KDSR: variants seen among roughly 807,000 people sequenced by gnomAD.
The protein encoded by KDSR is 3-dehydrosphinganine reductase.
A neutral mutation model predicts 41.3 loss-of-function variants in KDSR; 23 were observed. The ratio of observed to expected loss-of-function variants is 0.56; its 90% CI spans 0.40 to 0.79. The LOEUF (loss-of-function observed/expected upper bound fraction) is 0.79, where lower values mean the gene tolerates loss of function less well. KDSR is among the 30% of genes least tolerant of loss of function. The pLI, the probability that KDSR is intolerant of heterozygous loss-of-function variation, is 0.00. For missense variants in KDSR, 351 were observed against 416.8 expected (o/e 0.84, Z 1.37); for synonymous variants, 138 against 151.7 (o/e 0.91, Z 0.66).
At chr18:63,349,492 A>G (rs1425507341) in intron 6 of KDSR, among the ~76,000 whole-genome samples, 2 of 152,278 alleles carry the variant, frequency 1.3e-5, no homozygotes, top group Admixed American at 6.5e-5. Flanking sequence ...AATTTCACAG[A>G]CATCAGTGTC....
intron 1 of KDSR, 117 bp from the exon 2 acceptor site, chr18:63,362,985 C>T: frequency 1.5e-6 from 1 of 648,654 alleles, no homozygotes; most frequent in Non-Finnish European, 2.7e-6. Context: ...AAATGATTAG[C>T]TGTTGTTAAC....
Position 63,362,854 on chromosome 18 carries a change from G to A in KDSR, c.123C>T (p.Ser41=). ...TAGCAATGCACTTCCCGATGCCACT[G>A]GAACCTCCTGTAACCTAAAACAAAA... ...PGAHVVVTGG[S]SGIGKCIAIE... Residue 41 remains serine, a synonymous_variant, in exon 2 of 10, where the codon TCC becomes TCT. Transcript: ENST00000645214. 1 of 1,612,142 alleles carries A rather than the reference G, an allele frequency of 6.2e-7. No individual in the cohort carries two copies. The highest frequency in any genetic ancestry group is 8.5e-7 in the Non-Finnish European group (1 of 1,178,332).
rs1913973963 is a variant in KDSR, at chr18:63,331,210, T to C, written c.*572A>G. On this transcript the variant is annotated 3_prime_UTR_variant, in exon 10 of 10. Transcript: ENST00000645214. ...GCACAACACAGGGCTGTCAGTGACA[T>C]TCAGACTCACTGGCAATGGGTCCAA... 4.3e-6 allele frequency: 1 copy of C among 232,654 alleles called. No individual in the cohort carries two copies. Among genetic ancestry groups the C allele is most frequent in the Non-Finnish European group, 8.5e-6 (1 of 117,956 alleles). The allele number at this position is 232,654 out of a possible 1,614,324, so 14.4% of individuals were successfully genotyped here. A position where few individuals can be genotyped will look rare whatever the true frequency, so the allele number is the denominator to read the frequency against.
At chr18:63,351,906 CTT>C (rs1332561210) in intron 5 of KDSR, among the ~76,000 whole-genome samples, 1 of 152,142 alleles carries the variant, frequency 6.6e-6, no homozygotes, top group Non-Finnish European at 1.5e-5. Context: ...GCCTCAGCCT[CTT>C]GAGGACCTGG....
chr18:63,352,368 A>G (rs745443865), intron 5 of KDSR, among the ~76,000 whole-genome samples: 7 of 152,130 alleles, frequency 4.6e-5, no homozygotes, highest in Non-Finnish European at 8.8e-5. Context: ...AGGCTGGAGT[A>G]CAGTGGTGTG....
chr18:63,331,170 C>G lies in KDSR; in HGVS notation c.*612G>C, dbSNP rs1040390383. ...AGAAGCCATGAGTTTCCACCAGCAG[C>G]AGAGTGAGTCCTGAGCACAACACAG... On this transcript the variant is annotated 3_prime_UTR_variant, in exon 10 of 10. Transcript: ENST00000645214. 30 of 233,058 alleles carry G rather than the reference C, an allele frequency of 1.3e-4. No individual in the cohort carries two copies. The highest frequency in any genetic ancestry group is 6.2e-4 in the African/African-American group (28 of 45,306). 14.4% of individuals were successfully genotyped at this position (233,058 alleles called of 1,614,324 possible).
At chr18:63,352,803 A>G (rs774377602) in intron 5 of KDSR, among the ~76,000 whole-genome samples, 3 of 152,112 alleles carry the variant, frequency 2.0e-5, no homozygotes, top group Non-Finnish European at 4.4e-5. Context: ...TAAGTGACTG[A>G]GTTAGGATGC....
chr18:63,367,135 G>C lies in KDSR; in HGVS notation c.-17C>G. The C allele has an allele frequency of 1.5e-6, 2 of 1,293,414 alleles. No individual in the cohort carries two copies. Among genetic ancestry groups the C allele is most frequent in the South Asian group, 6.8e-5 (2 of 29,394 alleles). The allele number at this position is 1,293,414 out of a possible 1,614,324, so 80.1% of individuals were successfully genotyped here. A position where few individuals can be genotyped will look rare whatever the true frequency, so the allele number is the denominator to read the frequency against. ...CAGCAGCATCGCTCCGCGGGGCCAG[G>C]GGCCCGGAGCGGCCGGGCGGGGGCC... On this transcript the variant is annotated 5_prime_UTR_variant, in exon 1 of 10. Coordinates refer to ENST00000645214, the MANE Select transcript of KDSR (RefSeq NM_002035.4).
chr18:63,358,644 T>G (rs560030344), intron 3 of KDSR, among the ~76,000 whole-genome samples: 1 of 151,324 alleles, frequency 6.6e-6, no homozygotes, highest in African/African-American at 2.4e-5. Context: ...AAACCCTGTC[T>G]CTACTAAAAA....
chr18:63,343,838 T>C (rs1914421441), intron 7 of KDSR, among the ~76,000 whole-genome samples: 2 of 152,082 alleles, frequency 1.3e-5, no homozygotes, highest in Non-Finnish European at 1.5e-5. Context: ...AGGCAAAGGA[T>C]TGATATTGGA....
At chr18:63,333,462 T>C (rs1359965355) in intron 9 of KDSR, among the ~76,000 whole-genome samples, 1 of 152,144 alleles carries the variant, frequency 6.6e-6, no homozygotes, top group Non-Finnish European at 1.5e-5. Flanking sequence ...ATAGTTGCAG[T>C]TTAGAAACAA....
At chr18:63,351,161 A>G in intron 5 of KDSR, 82 bp from the exon 6 acceptor site, 1 of 1,201,416 alleles carries the variant, frequency 8.3e-7, no homozygotes, top group Non-Finnish European at 1.2e-6. Context: ...TCTGGATTTC[A>G]GTTCTTCAAT....
chr18:63,348,509 G>A (rs910434305), intron 6 of KDSR, among the ~76,000 whole-genome samples: 26 of 151,940 alleles, frequency 1.7e-4, no homozygotes, highest in Non-Finnish European at 1.9e-4. Flanking sequence ...GACTGCGTTC[G>A]TTTTCCCCAG....
chr18:63,344,300 C>T, intron 7 of KDSR, 110 bp downstream of exon 7: 1 of 696,036 alleles, frequency 1.4e-6, no homozygotes, highest in Non-Finnish European at 2.5e-6. Flanking sequence ...AGGCACTCTA[C>T]CCAACAAACA....
intron 8 of KDSR, among the ~76,000 whole-genome samples, chr18:63,338,408 C>T (rs1485601260): frequency 6.6e-6 from 1 of 152,200 alleles, no homozygotes; most frequent in African/African-American, 2.4e-5. Flanking sequence ...GGGCTGGTGG[C>T]ACTTTCTCGT....
intron 1 of KDSR, 89 bp downstream of exon 1, chr18:63,366,922 T>C: frequency 1.6e-6 from 1 of 632,106 alleles, no homozygotes; most frequent in Non-Finnish European, 2.4e-6. Context: ...GACCGCGGCC[T>C]GGAAAAAGGG....
intron 9 of KDSR, 23 bp downstream of exon 9, chr18:63,335,234 T>C: frequency 6.6e-7 from 1 of 1,515,702 alleles, no homozygotes. Flanking sequence ...GCCTGTCTGA[T>C]TGCTAGCCTA....
chr18:63,331,357 C>T lies in KDSR; in HGVS notation c.*425G>A, dbSNP rs565419642. On this transcript the variant is annotated 3_prime_UTR_variant, in exon 10 of 10. Transcript: ENST00000645214. ...GAGAGAGAGAGAGAACCCGAGAAAC[C>T]GAAAATTGTTTTTTTATGGAAGGTT... The T allele has an allele frequency of 3.9e-5, 9 of 230,282 alleles. No homozygotes were observed. Among genetic ancestry groups the T allele is most frequent in the Non-Finnish European group, 6.0e-5 (7 of 117,150 alleles). The allele number at this position is 230,282 out of a possible 1,614,324, so 14.3% of individuals were successfully genotyped here.
intron 5 of KDSR, among the ~76,000 whole-genome samples, chr18:63,354,978 G>T (rs1914756519): frequency 6.6e-6 from 1 of 152,146 alleles, no homozygotes; most frequent in Non-Finnish European, 1.5e-5. Flanking sequence ...TCCCATTTTA[G>T]CTGGTTTTCT....
Sources: gnomAD v4.1 joint callset for allele counts (sites outside exome capture counted in the v4.1 genomes callset) on GRCh38, gnomAD v4.1.1 for gene constraint, MANE v1.5 for transcripts, NCBI Gene and HGNC (gene_info 2026-07-23, HGNC 2026-07-21) for gene names.